The following DACH2 variants were observed in gnomAD, a reference collection of about 807,000 sequenced individuals.
The protein encoded by DACH2 is dachshund family transcription factor 2, also known as dachshund homolog 2.
DACH2 carries 17 observed loss-of-function variants against 35.8 expected under a neutral mutation model. That is an observed-to-expected ratio of 0.48 (90% CI 0.33 to 0.71). The LOEUF (loss-of-function observed/expected upper bound fraction) is 0.71, where lower values mean the gene tolerates loss of function less well. Among genes scored for constraint, DACH2 ranks in the 30% least tolerant of loss-of-function variants. The probability of loss-of-function intolerance (pLI) is 0.02; values close to 1 mark genes in which losing one functional copy is unlikely to be tolerated. For missense variants in DACH2, 469 were observed against 472.7 expected (o/e 0.99, Z 0.07); for synonymous variants, 195 against 177.3 (o/e 1.10, Z -0.79).
intron 1 of DACH2, among the ~76,000 whole-genome samples, chrX:86,316,686 G>T (rs1036714585): frequency 9.0e-5 from 10 of 111,359 alleles, no homozygotes; most frequent in Non-Finnish European, 1.7e-4. Context: ...GGGAACAGCA[G>T]CTAGGGCTCC....
At chrX:86,817,483 A>G (rs1411502668) in intron 11 of DACH2, among the ~76,000 whole-genome samples, 2 of 111,516 alleles carry the variant, frequency 1.8e-5, no homozygotes, top group Non-Finnish European at 3.8e-5. Flanking sequence ...AAATATAGAC[A>G]TAGTCTTTAA....
intron 4 of DACH2, among the ~76,000 whole-genome samples, chrX:86,674,457 C>T (rs1274652640): frequency 3.6e-5 from 4 of 111,991 alleles, no homozygotes; most frequent in African/African-American, 1.3e-4. Context: ...TGTTCTATCT[C>T]GAATTGATTC....
rs186374794 is a variant in DACH2, at chrX:86,542,404, G to T, written c.640+28013G>T. ...TTATGAAGCCAAATTAGTTCTTGTGGGAATAGAATAATTTTTGCAACAATG... is the reference window on the plus strand; with the variant it reads ...TTATGAAGCCAAATTAGTTCTTGTGTGAATAGAATAATTTTTGCAACAATG... On this transcript the variant is annotated intron_variant, in intron 3 of 11. Transcript: ENST00000373125. 3.1e-3 allele frequency among the ~76,000 whole-genome samples: 341 copies of T among 111,061 alleles called. 1 individual carries two copies. Among genetic ancestry groups the T allele is most frequent in the Non-Finnish European group, 4.2e-3 (223 of 53,003 alleles).
In DACH2 at chrX:86,739,775, C is replaced by A; in HGVS notation, c.1133C>A (p.Ala378Asp). 8.4e-7 allele frequency: 1 copy of A among 1,183,949 alleles called. No homozygotes were observed. Among genetic ancestry groups the A allele is most frequent in the Non-Finnish European group, 1.1e-6 (1 of 880,983 alleles). Residue 378 changes from alanine to aspartate, a missense_variant, in exon 7 of 12, where the codon GCT becomes GAT. By Grantham distance (126) the Ala-to-Asp change is moderately radical (BLOSUM62 -2). This residue lies in a region of DACH2 where 363 missense variants were observed against 334.4 expected (regional missense o/e 1.09). Transcript: ENST00000373125. ...KERIPESPSP[A>D]PSLEENHRPG... ...CGGATCCCAGAGAGTCCTTCTCCTG[C>A]TCCTTCTCTAGAAGAGAATCATCGT... is the stretch of plus-strand genomic sequence containing the variant.
At chrX:86,202,096 C>T (rs1569300359) in intron 1 of DACH2, among the ~76,000 whole-genome samples, 1 of 111,162 alleles carries the variant, frequency 9.0e-6, no homozygotes, top group African/African-American at 3.3e-5. Context: ...AGGCAGAAAC[C>T]ACATTTTATT....
chrX:86,235,070 A>T (rs1275435996), intron 1 of DACH2, among the ~76,000 whole-genome samples: 3 of 111,432 alleles, frequency 2.7e-5, no homozygotes, highest in East Asian at 5.6e-4. Context: ...GCAGTTTCTC[A>T]GATTTGCCTT....
intron 2 of DACH2, among the ~76,000 whole-genome samples, chrX:86,382,388 A>C (rs1485998490): frequency 1.8e-5 from 2 of 108,720 alleles, no homozygotes; most frequent in African/African-American, 6.7e-5. Context: ...ATTACAGGAG[A>C]TTAAAGTAGA....
chrX:86,706,381 A>T (rs1337052651), intron 5 of DACH2, among the ~76,000 whole-genome samples: 1 of 111,811 alleles, frequency 8.9e-6, no homozygotes, highest in East Asian at 2.8e-4. Flanking sequence ...ATACTCTGTT[A>T]TAAGGTATTT....
At chrX:86,756,328 T>A (rs1474787287) in intron 7 of DACH2, among the ~76,000 whole-genome samples, 1 of 111,421 alleles carries the variant, frequency 9.0e-6, no homozygotes, top group Non-Finnish European at 1.9e-5. Flanking sequence ...GCTTTGGGCA[T>A]TATGGTAATT....
chrX:86,494,801 T>A (rs2038143065), intron 2 of DACH2, among the ~76,000 whole-genome samples: 1 of 112,308 alleles, frequency 8.9e-6, no homozygotes, highest in Non-Finnish European at 1.9e-5. Flanking sequence ...ATTGCAATAA[T>A]GCACCAGTAT....
chrX:86,225,382 G>A (rs1215121183), intron 1 of DACH2, among the ~76,000 whole-genome samples: 1 of 110,947 alleles, frequency 9.0e-6, no homozygotes, highest in Non-Finnish European at 1.9e-5. Flanking sequence ...GTAATTAGTG[G>A]CTTAGGATTT....
chrX:86,673,042 A>AAGAAT (rs2040784012), intron 4 of DACH2, among the ~76,000 whole-genome samples: 1 of 111,825 alleles, frequency 8.9e-6, no homozygotes, highest in African/African-American at 3.3e-5. Context: ...GGAGTCAAAG[A>AAGAAT]AGAATATTTT....
intron 1 of DACH2, among the ~76,000 whole-genome samples, chrX:86,233,897 G>A (rs949630263): frequency 3.6e-5 from 4 of 111,865 alleles, no homozygotes; most frequent in African/African-American, 1.3e-4. Flanking sequence ...CTGCCCCTGT[G>A]ACTCAAATAA....
At chrX:86,216,801 A>C (rs1198668628) in intron 1 of DACH2, among the ~76,000 whole-genome samples, 1 of 111,658 alleles carries the variant, frequency 9.0e-6, no homozygotes, top group Non-Finnish European at 1.9e-5. Flanking sequence ...TAAACATTGA[A>C]AACAAACAGG....
chrX:86,435,927 T>C (rs2037061197), intron 2 of DACH2, among the ~76,000 whole-genome samples: 1 of 111,651 alleles, frequency 9.0e-6, no homozygotes. Flanking sequence ...GAAATCTGTT[T>C]CTCCTAAACT....
intron 5 of DACH2, among the ~76,000 whole-genome samples, chrX:86,704,898 T>C (rs979471607): frequency 7.3e-5 from 8 of 109,794 alleles, no homozygotes; most frequent in Non-Finnish European, 1.3e-4. Flanking sequence ...CACTACTGGG[T>C]ATGTACCCAG....
intron 2 of DACH2, among the ~76,000 whole-genome samples, chrX:86,435,579 A>C (rs192546840): frequency 5.6e-4 from 63 of 112,016 alleles, no homozygotes; most frequent in Admixed American, 5.2e-3. Flanking sequence ...AAATTTCCCA[A>C]CTGCCTGTTT....
At chrX:86,668,018 A>G (rs5922268) in intron 4 of DACH2, among the ~76,000 whole-genome samples, 33,956 of 111,287 alleles carry the variant, frequency 0.31, 4,257 homozygotes, top group Middle Eastern at 0.45. Flanking sequence ...TTTATATTTC[A>G]TCCATATAGG....
chrX:86,248,330 A>G (rs371213312), intron 1 of DACH2, among the ~76,000 whole-genome samples: 1 of 111,430 alleles, frequency 9.0e-6, no homozygotes, highest in South Asian at 3.7e-4. Context: ...GATCTGATAA[A>G]TGACTTCATC....
Sources: gnomAD v4.1 joint callset for allele counts (sites outside exome capture counted in the v4.1 genomes callset) on GRCh38, gnomAD v4.1.1 for gene constraint, gnomAD v4.1.1 regional missense constraint, MANE v1.5 for transcripts, NCBI Gene and HGNC (gene_info 2026-07-23, HGNC 2026-07-21) for gene names.